The following CRACD variants were observed in gnomAD, a reference collection of about 807,000 sequenced individuals.
CRACD encodes capping protein inhibiting regulator of actin dynamics, also known as capping protein-inhibiting regulator of actin dynamics.
CRACD carries 56 observed loss-of-function variants against 106.8 expected under a neutral mutation model. That is an observed-to-expected ratio of 0.52 (90% CI 0.42 to 0.66). CRACD has a LOEUF of 0.66. Among genes scored for constraint, CRACD ranks in the 30% least tolerant of loss-of-function variants. The pLI, the probability that CRACD is intolerant of heterozygous loss-of-function variation, is 0.00. For synonymous variants in CRACD, 754 were observed against 670.8 expected (o/e 1.12, Z -1.92); for missense variants, 1,730 against 1,623.2 (o/e 1.07, Z -1.13).
chr4:56,065,951 G>A (rs1040225582), intron 1 of CRACD, among the ~76,000 whole-genome samples: 2 of 152,054 alleles, frequency 1.3e-5, no homozygotes, highest in Non-Finnish European at 2.9e-5. Flanking sequence ...GTGTCCTTTT[G>A]TATCTGACTG....
intron 2 of CRACD, among the ~76,000 whole-genome samples, chr4:56,209,871 C>T (rs543554745): frequency 5.3e-5 from 8 of 152,280 alleles, no homozygotes; most frequent in African/African-American, 1.2e-4. Context: ...CAGGTAGTCA[C>T]GCAGCATCCA....
At position 56,198,505 on chromosome 4, in the gene CRACD, A is replaced by G. The variant is rs562616484; in HGVS notation, c.-189+19075A>G. ...AATATTAATAGGAGGAGACAAAACA[A>G]TTAGAAAGTATGCACTGAACTACTT... On this transcript the variant is annotated intron_variant, in intron 2 of 10. Coordinates refer to ENST00000682029, the MANE Select transcript of CRACD (RefSeq NM_001393381.1). Among the ~76,000 whole-genome samples, 10 of 152,350 alleles carry G rather than the reference A, an allele frequency of 6.6e-5. No homozygotes were observed. In the East Asian group the frequency reaches 1.2e-3, roughly 18 times the overall value.
At chr4:56,114,934 A>G (rs1734231535) in intron 1 of CRACD, among the ~76,000 whole-genome samples, 1 of 152,162 alleles carries the variant, frequency 6.6e-6, no homozygotes, top group African/African-American at 2.4e-5. Context: ...ATTCCAAGCA[A>G]TTTGGGGGAT....
chr4:56,290,738 C>A (rs577264396), intron 3 of CRACD, among the ~76,000 whole-genome samples: 7 of 152,318 alleles, frequency 4.6e-5, no homozygotes, highest in African/African-American at 1.7e-4. Flanking sequence ...CAGCCATGCT[C>A]CTTTGTACAT....
rs536838894 is a variant in CRACD at position 56,316,542 on chromosome 4, C to T, written c.3040C>T (p.Arg1014Trp). The T allele has an allele frequency of 5.6e-6, 9 of 1,613,254 alleles. No homozygotes were observed. In the African/African-American group the frequency reaches 8.0e-5, roughly 14 times the overall value. Reference protein sequence around the residue: ...SKEDQESSDRRPPSPPGPEER... With the variant: ...SKEDQESSDRWPPSPPGPEER... ...GGAGGACCAGGAGAGCAGTGACCGCCGGCCACCCTCGCCCCCAGGCCCCGA... is the reference window on the plus strand; with the variant it reads ...GGAGGACCAGGAGAGCAGTGACCGCTGGCCACCCTCGCCCCCAGGCCCCGA... Residue 1014 changes from arginine to tryptophan, a missense_variant, in exon 8 of 11, where the codon CGG (arginine) becomes TGG (tryptophan). Arg to Trp is a moderately radical substitution (Grantham distance 101, BLOSUM62 -3). Transcript: ENST00000682029.
chr4:56,298,150 G>T, intron 3 of CRACD, 64 bp from the exon 4 acceptor site: 1 of 1,546,478 alleles, frequency 6.5e-7, no homozygotes, highest in South Asian at 1.2e-5. Context: ...CAGGAATAAT[G>T]GAAAACTGAA....
intron 1 of CRACD, among the ~76,000 whole-genome samples, chr4:56,152,801 A>G (rs1323549091): frequency 6.6e-6 from 1 of 152,084 alleles, no homozygotes; most frequent in African/African-American, 2.4e-5. Context: ...TAATGTCTTT[A>G]CTTTCTGGCA....
intron 1 of CRACD, among the ~76,000 whole-genome samples, chr4:56,067,521 G>A (rs1488237467): frequency 6.6e-6 from 1 of 152,218 alleles, no homozygotes; most frequent in Non-Finnish European, 1.5e-5. Flanking sequence ...GCATTCATCA[G>A]CTAACAGAAA....
intron 3 of CRACD, among the ~76,000 whole-genome samples, chr4:56,284,787 T>A (rs754206531): frequency 9.2e-5 from 14 of 151,502 alleles, no homozygotes; most frequent in Non-Finnish European, 1.6e-4. Flanking sequence ...GCAAAGCACT[T>A]TTATTTTCTC....
At chr4:56,057,836 T>C (rs1276409125) in intron 1 of CRACD, among the ~76,000 whole-genome samples, 2 of 64,468 alleles carry the variant, frequency 3.1e-5, no homozygotes, top group African/African-American at 2.6e-4. Context: ...TTTTTTTTTT[T>C]GAGACGGAGT....
chr4:56,258,243 A>T (rs1166708370), intron 2 of CRACD, among the ~76,000 whole-genome samples: 1 of 152,128 alleles, frequency 6.6e-6, no homozygotes, highest in African/African-American at 2.4e-5. Flanking sequence ...CTTTCAACTA[A>T]TTGCCAGTCA....
chr4:56,302,297 A>C (rs1744413999), intron 4 of CRACD, among the ~76,000 whole-genome samples: 1 of 152,224 alleles, frequency 6.6e-6, no homozygotes, highest in Admixed American at 6.5e-5. Context: ...AGCATGGATC[A>C]GGGAGGGTGC....
intron 2 of CRACD, among the ~76,000 whole-genome samples, chr4:56,192,258 G>A (rs1275547300): frequency 2.0e-5 from 3 of 152,118 alleles, no homozygotes; most frequent in Non-Finnish European, 2.9e-5. Context: ...CGAGCATGGT[G>A]GTGCACACCT....
chr4:56,131,049 T>C (rs1250084127), intron 1 of CRACD, among the ~76,000 whole-genome samples: 1 of 152,192 alleles, frequency 6.6e-6, no homozygotes, highest in Non-Finnish European at 1.5e-5. Context: ...GGATGAAAAA[T>C]GCTTTGTGAA....
At chr4:56,130,582 T>C (rs1465960353) in intron 1 of CRACD, among the ~76,000 whole-genome samples, 1 of 152,136 alleles carries the variant, frequency 6.6e-6, no homozygotes, top group Non-Finnish European at 1.5e-5. Context: ...TAATTTCTCT[T>C]ATTTATCAGA....
In CRACD at chr4:56,102,217, G is replaced by A. The variant is rs138922969; in HGVS notation, c.-336+52918G>A. Among the ~76,000 whole-genome samples the A allele has an allele frequency of 9.9e-5, 15 of 152,232 alleles. No homozygotes were observed. In the East Asian group the frequency reaches 2.9e-3, roughly 29 times the overall value. On this transcript the variant is annotated intron_variant, in intron 1 of 10. Coordinates refer to ENST00000682029, the MANE Select transcript of CRACD (RefSeq NM_001393381.1). ...TCCCACTTCATAGAATGAGTTCCTG[G>A]TGTTCTGTATCCTTGCCAGCAATGA... is the stretch of plus-strand genomic sequence containing the variant.
In CRACD at chr4:56,315,647, C is replaced by T; in HGVS notation, c.2145C>T (p.Val715=). 1 of 1,614,190 alleles carries T rather than the reference C, an allele frequency of 6.2e-7. No individual in the cohort carries two copies. Among genetic ancestry groups the T allele is most frequent in the Admixed American group, 1.7e-5 (1 of 60,026 alleles). The change falls in exon 8 of 11, where the codon GTC becomes GTT. Residue 715 remains valine, a synonymous_variant. Coordinates refer to ENST00000682029, the MANE Select transcript of CRACD (RefSeq NM_001393381.1). The surrounding 1 kb of genome is among the most constrained non-coding windows in gnomAD (Gnocchi z 4.1). ...SRGNQRKTPP[V]NAKFSIMPAW... is the part of the protein sequence containing the mutation. ...GGAACCAACGGAAGACTCCGCCAGT[C>T]AATGCAAAGTTCTCTATTATGCCTG...
chr4:56,177,210 C>T (rs74797084), intron 1 of CRACD, among the ~76,000 whole-genome samples: 3,558 of 152,252 alleles, frequency 0.023, 54 homozygotes, highest in Non-Finnish European at 0.035. Flanking sequence ...TTGTCATACA[C>T]GGACTTTATT....
intron 2 of CRACD, among the ~76,000 whole-genome samples, chr4:56,188,124 C>A (rs1308268655): frequency 6.6e-6 from 1 of 152,100 alleles, no homozygotes; most frequent in Non-Finnish European, 1.5e-5. Context: ...AAAGTTCATT[C>A]CATGCAGAAA....
Sources: gnomAD v4.1 joint callset for allele counts (sites outside exome capture counted in the v4.1 genomes callset) on GRCh38, gnomAD v4.1.1 for gene constraint, Gnocchi (gnomAD v3.1) non-coding constraint, MANE v1.5 for transcripts, NCBI Gene and HGNC (gene_info 2026-07-23, HGNC 2026-07-21) for gene names.